Variants in SAMD5 observed in about 807,000 individuals in gnomAD.
The protein encoded by SAMD5 is sterile alpha motif domain containing 5.
A neutral mutation model predicts 11.3 loss-of-function variants in SAMD5; 13 were observed. That is an observed-to-expected ratio of 1.15 (90% confidence interval 0.75 to 1.83). The LOEUF (loss-of-function observed/expected upper bound fraction) is 1.83, where lower values mean the gene tolerates loss of function less well. Among genes scored for constraint, SAMD5 ranks in the 40% most tolerant of loss-of-function variants. SAMD5 has a pLI of 0.00. For synonymous variants in SAMD5, 129 were observed against 111.3 expected, an observed-to-expected ratio of 1.16 and a Z score of -1.00; for missense variants, 255 against 239.1, an observed-to-expected ratio of 1.07 and a Z score of -0.44.
the SAMD5 span, among the ~76,000 whole-genome samples, chr6:147,905,134 C>T: frequency 2.0e-5 from 3 of 151,914 alleles, no homozygotes; most frequent in Admixed American, 6.6e-5. Flanking sequence ...GTGATCCACC[C>T]GCCTCGGCCT....
chr6:147,906,396 G>A, the SAMD5 span, among the ~76,000 whole-genome samples: 1 of 152,152 alleles, frequency 6.6e-6, no homozygotes, highest in Non-Finnish European at 1.5e-5. Flanking sequence ...GGACTCAATG[G>A]CCTCTGTCAT....
chr6:147,532,296 T>TCCCCCACCTC, intron 1 of SAMD5, among the ~76,000 whole-genome samples: 1 of 151,676 alleles, frequency 6.6e-6, no homozygotes, highest in South Asian at 2.1e-4. Flanking sequence ...CCTCCCACCT[T>TCCCCCACCTC]CCCCCACCTC....
intron 1 of SAMD5, among the ~76,000 whole-genome samples, chr6:147,652,022 A>G (rs1036700989): frequency 2.6e-5 from 4 of 152,202 alleles, no homozygotes; most frequent in African/African-American, 7.2e-5. Context: ...TTTAAAAGTC[A>G]TTTGCTCTTT....
intron 1 of SAMD5, among the ~76,000 whole-genome samples, chr6:147,610,021 T>G (rs186786331): frequency 6.6e-6 from 1 of 152,288 alleles, no homozygotes; most frequent in African/African-American, 2.4e-5. Flanking sequence ...GTTGGGAAAA[T>G]AGCCACGAAC....
chr6:147,690,109 G>A (rs1403221025), intron 1 of SAMD5, among the ~76,000 whole-genome samples: 1 of 152,028 alleles, frequency 6.6e-6, no homozygotes, highest in Non-Finnish European at 1.5e-5. Context: ...CATGTTATAA[G>A]TAAATATAAT....
Position 147,564,587 on chromosome 6 carries a change from T to A in SAMD5, c.*131T>A, listed in dbSNP as rs1376291018. On this transcript the variant is annotated 3_prime_UTR_variant, in exon 2 of 2. Transcript: ENST00000367474. ...AATACTCATCAGCTTAACTTTTTGC[T>A]TGGACAAATTCTGGAATAATCAACT... is the stretch of plus-strand genomic sequence containing the variant. The A allele has an allele frequency of 6.9e-7, 1 of 1,448,174 alleles. No individual in the cohort carries two copies. Among genetic ancestry groups the A allele is most frequent in the Non-Finnish European group, 9.2e-7 (1 of 1,084,638 alleles). 89.7% of individuals were successfully genotyped at this position (1,448,174 alleles called of 1,614,324 possible).
chr6:147,807,076 G>A, the SAMD5 span, among the ~76,000 whole-genome samples: 1 of 151,946 alleles, frequency 6.6e-6, no homozygotes, highest in Admixed American at 6.6e-5. Context: ...ATAAATTTCT[G>A]TTGTTTTTTT....
Position 147,564,850 on chromosome 6 carries a change from AATTAT to A in SAMD5, c.*400_*404del. 1.1e-6 allele frequency: 1 copy of A among 949,746 alleles called. No homozygotes were observed. Among genetic ancestry groups the A allele is most frequent in the Non-Finnish European group, 1.3e-6 (1 of 796,464 alleles). The allele number at this position is 949,746 out of a possible 1,614,324, so 58.8% of individuals were successfully genotyped here. A position where few individuals can be genotyped will look rare whatever the true frequency, so the allele number is the denominator to read the frequency against. On this transcript the variant is annotated 3_prime_UTR_variant, in exon 2 of 2. Transcript: ENST00000367474. Reference sequence around the variant, plus strand: ...AGGTAGATTTCTGACAGTAAGTAGTAATTATATTATTTCCAAATTTGCTTTTAACT... The same window carrying A: ...AGGTAGATTTCTGACAGTAAGTAGTAATTATTTCCAAATTTGCTTTTAACT...
the SAMD5 span, among the ~76,000 whole-genome samples, chr6:147,766,698 G>A: frequency 2.0e-5 from 3 of 152,114 alleles, no homozygotes; most frequent in East Asian, 5.8e-4. Flanking sequence ...AACCAAGAAA[G>A]ATACATATAT....
chr6:147,862,351 G>C, the SAMD5 span, among the ~76,000 whole-genome samples: 1 of 152,092 alleles, frequency 6.6e-6, no homozygotes. Context: ...CCTATCCTTT[G>C]ACAGTTTCTA....
chr6:147,619,598 A>T (rs566734682), intron 1 of SAMD5, among the ~76,000 whole-genome samples: 1 of 152,232 alleles, frequency 6.6e-6, no homozygotes, highest in Non-Finnish European at 1.5e-5. Flanking sequence ...AAGAAGGAAA[A>T]TTGTGCTATT....
At chr6:147,921,380 A>G in the SAMD5 span, among the ~76,000 whole-genome samples, 1 of 152,014 alleles carries the variant, frequency 6.6e-6, no homozygotes, top group Admixed American at 6.6e-5. Flanking sequence ...ACATGTTCGT[A>G]TTAGAATAGT....
the SAMD5 span, among the ~76,000 whole-genome samples, chr6:147,873,491 A>C: frequency 6.6e-6 from 1 of 152,122 alleles, no homozygotes; most frequent in African/African-American, 2.4e-5. Flanking sequence ...TGTTGCTATT[A>C]ATTGTAATGT....
chr6:147,647,035 C>A (rs911375645), intron 1 of SAMD5, among the ~76,000 whole-genome samples: 2 of 150,928 alleles, frequency 1.3e-5, no homozygotes, highest in African/African-American at 4.9e-5. Context: ...GCCATGGTGA[C>A]AGGCACCTGT....
intron 1 of SAMD5, among the ~76,000 whole-genome samples, chr6:147,539,114 G>T (rs934697688): frequency 4.7e-4 from 71 of 152,170 alleles, no homozygotes; most frequent in African/African-American, 1.7e-3. Context: ...GTAAGCAGCT[G>T]AAGGCAAAGA....
At chr6:147,540,350 G>T (rs1360513837) in intron 1 of SAMD5, among the ~76,000 whole-genome samples, 1 of 152,236 alleles carries the variant, frequency 6.6e-6, no homozygotes, top group Non-Finnish European at 1.5e-5. Context: ...GCCTAGAGAA[G>T]CCAGTTTCAA....
At chr6:147,918,766 C>G in the SAMD5 span, among the ~76,000 whole-genome samples, 7 of 144,330 alleles carry the variant, frequency 4.8e-5, no homozygotes, top group Admixed American at 2.2e-4. Context: ...GGCGTGATCT[C>G]GGCTCACTGC....
intron 1 of SAMD5, among the ~76,000 whole-genome samples, chr6:147,720,462 CAA>C (rs11335024): frequency 0.4 from 56,574 of 141,338 alleles, 12,416 homozygotes; most frequent in Middle Eastern, 0.5. Context: ...GACTCTGTCT[CAA>C]AAAAAAAAAA....
At chr6:147,897,502 A>G in the SAMD5 span, among the ~76,000 whole-genome samples, 1 of 152,172 alleles carries the variant, frequency 6.6e-6, no homozygotes, top group Non-Finnish European at 1.5e-5. Context: ...ACTGGAAATC[A>G]TGGTGTGGTG....
Sources: gnomAD v4.1 joint callset for allele counts (sites outside exome capture counted in the v4.1 genomes callset) on GRCh38, gnomAD v4.1.1 for gene constraint, MANE v1.5 for transcripts, NCBI Gene and HGNC (gene_info 2026-07-23, HGNC 2026-07-21) for gene names.